The following SLC9A2 variants were observed in gnomAD, a reference collection of about 807,000 sequenced individuals.
The protein encoded by SLC9A2 is solute carrier family 9 member A2, also known as sodium/hydrogen exchanger 2.
Under a neutral mutation model 71.7 loss-of-function variants are expected in SLC9A2, and 42 were observed. The observed-to-expected ratio is 0.59, with a 90% confidence interval of 0.46 to 0.76. SLC9A2 has a LOEUF of 0.76. SLC9A2 is among the 30% of genes least tolerant of loss of function. The probability of loss-of-function intolerance (pLI) is 0.00; values close to 1 mark genes in which losing one functional copy is unlikely to be tolerated. For missense variants in SLC9A2, 829 were observed against 1,017.4 expected, an observed-to-expected ratio of 0.81 and a Z score of 2.52; for synonymous variants, 396 against 392.5, an observed-to-expected ratio of 1.01 and a Z score of -0.10.
chr2:102,694,031 AC>A (rs1325056166), intron 5 of SLC9A2, among the ~76,000 whole-genome samples: 2 of 151,348 alleles, frequency 1.3e-5, no homozygotes, highest in African/African-American at 4.9e-5. Flanking sequence ...CTGATCTTGA[AC>A]TCCTGGCCCC....
Position 102,695,077 on chromosome 2 carries a change from T to C in SLC9A2, c.1550T>C (p.Val517Ala). Residue 517 changes from valine to alanine, a missense_variant, in exon 7 of 12, where the codon GTT becomes GCT. Physicochemically the swap from Val to Ala is moderately conservative, Grantham distance 64. Coordinates refer to ENST00000233969, the MANE Select transcript of SLC9A2 (RefSeq NM_003048.6). ...FDHVKTGIED[V>A]CGHWGHNFWR... ...CATGTGAAGACTGGAATTGAAGATG[T>C]TTGTGGACATTGGGGTCACAACTTT... 6.2e-7 allele frequency: 1 copy of C among 1,614,014 alleles called. No individual in the cohort carries two copies. The highest frequency in any genetic ancestry group is 8.5e-7 in the Non-Finnish European group (1 of 1,179,908).
intron 9 of SLC9A2, 146 bp from the exon 10 acceptor site, chr2:102,704,396 TAA>T (rs113551452): frequency 9.2e-6 from 5 of 545,428 alleles, no homozygotes; most frequent in African/African-American, 5.7e-5. Flanking sequence ...TTTATACTGT[TAA>T]TTTAATTTTT....
chr2:102,637,159 C>G (rs985647806), intron 1 of SLC9A2, among the ~76,000 whole-genome samples: 2 of 152,188 alleles, frequency 1.3e-5, no homozygotes, highest in Non-Finnish European at 2.9e-5. Flanking sequence ...AGAGCAAGCT[C>G]TGTGACTGCT....
intron 1 of SLC9A2, among the ~76,000 whole-genome samples, chr2:102,632,121 CAT>C (rs1553423377): frequency 1.1e-5 from 1 of 95,092 alleles, no homozygotes; most frequent in Non-Finnish European, 2.0e-5. Flanking sequence ...TGTATATATA[CAT>C]ATATACATAT....
Position 102,657,736 on chromosome 2 carries a change from C to G in SLC9A2, c.462C>G (p.Gly154=). 2.5e-6 allele frequency: 4 copies of G among 1,614,192 alleles called. No individual in the cohort carries two copies. Among genetic ancestry groups the G allele is most frequent in the Non-Finnish European group, 3.4e-6 (4 of 1,180,030 alleles). ...TCCCACCCATCGTGCTGGATGCCGG[C>G]TATTTCATGCCCACTCGCCCATTCT... The part of the protein sequence containing the change: ...YLLPPIVLDA[G]YFMPTRPFFE... The change falls in exon 2 of 12, where the codon GGC becomes GGG. Residue 154 remains glycine, a synonymous_variant. Transcript: ENST00000233969.
At chr2:102,696,228 T>C (rs914379476) in intron 7 of SLC9A2, among the ~76,000 whole-genome samples, 7 of 152,134 alleles carry the variant, frequency 4.6e-5, no homozygotes, top group African/African-American at 1.7e-4. Context: ...GGCCCTTTTT[T>C]TTCATAGAGA....
chr2:102,675,362 G>T (rs1251870205), intron 3 of SLC9A2, among the ~76,000 whole-genome samples: 1 of 152,122 alleles, frequency 6.6e-6, no homozygotes, highest in Non-Finnish European at 1.5e-5. Context: ...ATAGGCAGGT[G>T]GGAGCCTTTG....
intron 3 of SLC9A2, among the ~76,000 whole-genome samples, chr2:102,680,797 G>C (rs922761361): frequency 6.6e-6 from 1 of 152,160 alleles, no homozygotes; most frequent in Non-Finnish European, 1.5e-5. Context: ...TAGAATATCT[G>C]GGTGGCCTTG....
chr2:102,625,665 GC>G (rs1221298811), intron 1 of SLC9A2, among the ~76,000 whole-genome samples: 1 of 152,116 alleles, frequency 6.6e-6, no homozygotes. Flanking sequence ...ATTTTTTACA[GC>G]TGCATAGTAT....
intron 1 of SLC9A2, among the ~76,000 whole-genome samples, chr2:102,626,759 G>A (rs546299258): frequency 7.2e-5 from 11 of 152,192 alleles, no homozygotes; most frequent in East Asian, 1.9e-4. Context: ...ACAAGTGGGC[G>A]AAGGATATGA....
intron 5 of SLC9A2, among the ~76,000 whole-genome samples, chr2:102,688,695 TC>T (rs1388040102): frequency 1.3e-5 from 2 of 151,976 alleles, no homozygotes; most frequent in African/African-American, 2.4e-5. Flanking sequence ...GCCACTGCAC[TC>T]CAGCCTGGCG....
chr2:102,707,385 G>A (rs1469855728), intron 11 of SLC9A2, among the ~76,000 whole-genome samples: 1 of 150,522 alleles, frequency 6.6e-6, no homozygotes, highest in Non-Finnish European at 1.5e-5. Context: ...AGTGTGAGGT[G>A]AGAATAATAG....
At chr2:102,698,922 C>T (rs548655039) in intron 7 of SLC9A2, among the ~76,000 whole-genome samples, 1 of 152,218 alleles carries the variant, frequency 6.6e-6, no homozygotes, top group Admixed American at 6.5e-5. Flanking sequence ...ACAGGGAGGA[C>T]TTGGGACCAA....
rs1478510464 is a variant in SLC9A2 at position 102,709,585 on chromosome 2, T to C, written c.*1096T>C. ...GTTTTGAATATTATTCAGGAAGCAC[T>C]TTGGAGAATGTGGGAGTCCTACTGT... On this transcript the variant is annotated 3_prime_UTR_variant, in exon 12 of 12. Coordinates refer to ENST00000233969, the MANE Select transcript of SLC9A2 (RefSeq NM_003048.6). 2 of 152,788 alleles carry C rather than the reference T, an allele frequency of 1.3e-5. No individual in the cohort carries two copies. The highest frequency in any genetic ancestry group is 2.9e-5 in the Non-Finnish European group (2 of 68,048). 9.5% of individuals were successfully genotyped at this position (152,788 alleles called of 1,614,324 possible). A position where few individuals can be genotyped will look rare whatever the true frequency, so the allele number is the denominator to read the frequency against.
chr2:102,704,614 G>A lies in SLC9A2; in HGVS notation c.1916G>A (p.Arg639His). 1 of 1,613,402 alleles carries A rather than the reference G, an allele frequency of 6.2e-7. No homozygotes were observed. The highest frequency in any genetic ancestry group is 8.5e-7 in the Non-Finnish European group (1 of 1,179,546). Reference protein sequence around the residue: ...SERQAKEILIRRRHSLRESIR... With the variant: ...SERQAKEILIHRRHSLRESIR... ...AGACAAGCCAAGGAGATTCTGATTC[G>A]CCGGCGACACAGTTTGCGAGAAAGC... Residue 639 changes from arginine to histidine, a missense_variant, in exon 10 of 12, where the codon CGC (arginine) becomes CAC (histidine). This residue lies in a region of SLC9A2 where 500 missense variants were observed against 726.3 expected (regional missense o/e 0.69). Transcript: ENST00000233969.
Position 102,708,285 on chromosome 2 carries a change from C to G in SLC9A2, c.2235C>G (p.Ser745Arg). 1 of 1,614,144 alleles carries G rather than the reference C, an allele frequency of 6.2e-7. No individual in the cohort carries two copies. The highest frequency in any genetic ancestry group is 8.5e-7 in the Non-Finnish European group (1 of 1,180,012). The change falls in exon 12 of 12, where the codon AGC becomes AGG. Residue 745 changes from serine to arginine, a missense_variant. Ser to Arg is a moderately radical substitution (Grantham distance 110). Transcript: ENST00000233969. ...TTGATTCTGGCCGAGATATGCCCAG[C>G]ACCCCCCCAACACCCCACAGCAGAG... ...VDVDSGRDMP[S>R]TPPTPHSREK...
chr2:102,663,992 C>G (rs1001393423), intron 2 of SLC9A2, among the ~76,000 whole-genome samples: 1 of 152,154 alleles, frequency 6.6e-6, no homozygotes, highest in African/African-American at 2.4e-5. Context: ...AACTAAACAA[C>G]AGGCTGGGCG....
chr2:102,634,613 C>T (rs1472825789), intron 1 of SLC9A2, among the ~76,000 whole-genome samples: 4 of 152,172 alleles, frequency 2.6e-5, no homozygotes, highest in African/African-American at 7.2e-5. Flanking sequence ...AGTTGTTAGA[C>T]GTCCTGATCT....
chr2:102,652,373 G>T (rs1676851756), intron 1 of SLC9A2, among the ~76,000 whole-genome samples: 2 of 152,026 alleles, frequency 1.3e-5, no homozygotes, highest in Non-Finnish European at 2.9e-5. Flanking sequence ...CCTCCCCTCT[G>T]CTCCCCTGCA....
Sources: allele counts gnomAD v4.1 joint callset (sites outside exome capture counted in the v4.1 genomes callset), GRCh38; gene constraint gnomAD v4.1.1; regional missense constraint gnomAD v4.1.1; transcripts MANE v1.5; gene names NCBI Gene and HGNC (gene_info 2026-07-23, HGNC 2026-07-21).